PPHLN1: variants seen among roughly 807,000 people sequenced by gnomAD.
PPHLN1 encodes periphilin-1.
PPHLN1 carries 29 observed loss-of-function variants against 51.3 expected under a neutral mutation model. That is an observed-to-expected ratio of 0.57 (90% CI 0.42 to 0.77). The LOEUF (loss-of-function observed/expected upper bound fraction) is 0.77, where lower values mean the gene tolerates loss of function less well. Among genes scored for constraint, PPHLN1 ranks in the 30% least tolerant of loss-of-function variants. PPHLN1 has a pLI of 0.00. For synonymous variants in PPHLN1, 147 were observed against 147.8 expected (o/e 0.99, Z 0.04); for missense variants, 436 against 438.4 (o/e 0.99, Z 0.05).
At chr12:42,437,582 C>G (rs544938867) in intron 9 of PPHLN1, among the ~76,000 whole-genome samples, 1 of 152,228 alleles carries the variant, frequency 6.6e-6, no homozygotes, top group Admixed American at 6.5e-5. Flanking sequence ...ATAGAGAGTT[C>G]TTATATGCCC....
chr12:42,403,442 G>A (rs553273280), intron 9 of PPHLN1, among the ~76,000 whole-genome samples: 1 of 152,300 alleles, frequency 6.6e-6, no homozygotes, highest in Non-Finnish European at 1.5e-5. Flanking sequence ...TGGTCATGCT[G>A]TTACTGCAGA....
chr12:42,417,933 TTTTTTTTTTG>T (rs1216372131), intron 9 of PPHLN1, among the ~76,000 whole-genome samples: 1,440 of 54,510 alleles, frequency 0.026, 56 homozygotes, highest in East Asian at 0.11. Flanking sequence ...TTTTTTTTTG[TTTTTTTTTTG>T]TTTTTTTTTT....
At position 42,413,224 on chromosome 12, in the gene PPHLN1, C is replaced by G. The variant is rs966407055; in HGVS notation, c.909+14230C>G. On this transcript the variant is annotated intron_variant, in intron 9 of 9. Transcript: ENST00000358314. ...AGAAGAGTTTTTCCCAGGTTATCTT[C>G]TAGAATTTTTATGGTTTCAGATGTT... Among the ~76,000 whole-genome samples the G allele has an allele frequency of 2.6e-5, 4 of 152,092 alleles. No individual in the cohort carries two copies. In the South Asian group the frequency reaches 6.2e-4, roughly 24 times the overall value.
chr12:42,443,512 C>G (rs2083121358), downstream of PPHLN1: 1 of 152,186 alleles, frequency 6.6e-6, no homozygotes, highest in Non-Finnish European at 1.5e-5. Flanking sequence ...GTCAGTACCT[C>G]CCCTGGAGGA....
chr12:42,364,666 A>G (rs2138537480), intron 4 of PPHLN1, among the ~76,000 whole-genome samples: 1 of 152,226 alleles, frequency 6.6e-6, no homozygotes. Flanking sequence ...CATGCTTGTA[A>G]TCTAAGCACT....
At chr12:42,441,257 T>C in intron 9 of PPHLN1, 58 bp from the exon 10 acceptor site, 1 of 1,511,998 alleles carries the variant, frequency 6.6e-7, no homozygotes, top group Non-Finnish European at 8.9e-7. Context: ...CTCAGTTAGC[T>C]AAGTATTTGG....
At chr12:42,411,798 G>A (rs780623575) in intron 9 of PPHLN1, among the ~76,000 whole-genome samples, 7 of 150,402 alleles carry the variant, frequency 4.7e-5, no homozygotes, top group Non-Finnish European at 8.9e-5. Context: ...TCAGCCACTC[G>A]GGAGGCTGAG....
chr12:42,417,094 GTC>G (rs2080459700), intron 9 of PPHLN1, among the ~76,000 whole-genome samples: 3 of 152,186 alleles, frequency 2.0e-5, no homozygotes, highest in South Asian at 2.1e-4. Context: ...AATTGGTAGA[GTC>G]TGAAATGCAG....
intron 9 of PPHLN1, among the ~76,000 whole-genome samples, chr12:42,413,522 GTA>G (rs201793537): frequency 0.038 from 4,990 of 131,534 alleles, 85 homozygotes; most frequent in Non-Finnish European, 0.048. Context: ...CTATATATAT[GTA>G]TATGTGTGTG....
chr12:42,364,174 A>G (rs1297277175), intron 4 of PPHLN1, among the ~76,000 whole-genome samples: 1 of 152,190 alleles, frequency 6.6e-6, no homozygotes, highest in African/African-American at 2.4e-5. Context: ...CAGTGAGCCA[A>G]GATTGCACCA....
chr12:42,365,214 T>C (rs539502652), intron 4 of PPHLN1, among the ~76,000 whole-genome samples: 3 of 152,348 alleles, frequency 2.0e-5, no homozygotes, highest in African/African-American at 7.2e-5. Flanking sequence ...TGTACTTCAC[T>C]TATTCTTAAG....
chr12:42,418,211 C>CTTTTTTTTTTTTTTTTTTTT (rs60029170), intron 9 of PPHLN1, among the ~76,000 whole-genome samples: 1 of 98,378 alleles, frequency 1.0e-5, no homozygotes, highest in African/African-American at 4.2e-5. Flanking sequence ...TCCCGGCCCT[C>CTTTTTTTTTTTTTTTTTTTT]TTTTTTTTTT....
At chr12:42,398,632 A>T (rs1219325598) in intron 8 of PPHLN1, 4 of 376,286 alleles carry the variant, frequency 1.1e-5, no homozygotes, top group Non-Finnish European at 1.9e-5. Flanking sequence ...ACGCAAATTC[A>T]TGAAGTGTTC....
intron 2 of PPHLN1, among the ~76,000 whole-genome samples, chr12:42,347,882 T>C (rs943217834): frequency 5.9e-5 from 9 of 152,314 alleles, no homozygotes; most frequent in African/African-American, 2.2e-4. Flanking sequence ...ACGAACGCTT[T>C]AAAAATACAG....
At chr12:42,357,592 T>A (rs1043987133) in intron 4 of PPHLN1, among the ~76,000 whole-genome samples, 2 of 152,144 alleles carry the variant, frequency 1.3e-5, no homozygotes, top group African/African-American at 4.8e-5. Flanking sequence ...CCAAATAATA[T>A]CTGACATAAT....
downstream of PPHLN1, chr12:42,446,123 C>T (rs765867206): frequency 1.0e-5 from 16 of 1,565,048 alleles, no homozygotes; most frequent in East Asian, 2.4e-5. Flanking sequence ...ACGGGTTCGT[C>T]GGACGACACA....
intron 2 of PPHLN1, among the ~76,000 whole-genome samples, chr12:42,339,218 C>T (rs2071127315): frequency 6.6e-6 from 1 of 152,206 alleles, no homozygotes; most frequent in South Asian, 2.1e-4. Context: ...TTTGAGAGCA[C>T]AGGACCTGAC....
chr12:42,444,716 C>T (rs1311388019), downstream of PPHLN1: 4 of 270,884 alleles, frequency 1.5e-5, no homozygotes, highest in Non-Finnish European at 2.8e-5. Flanking sequence ...TATCTCTAGA[C>T]CTTCAGATAG....
chr12:42,387,486 C>T lies in PPHLN1; in HGVS notation c.599C>T (p.Thr200Ile). 1 of 1,613,372 alleles carries T rather than the reference C, an allele frequency of 6.2e-7. No homozygotes were observed. The highest frequency in any genetic ancestry group is 8.5e-7 in the Non-Finnish European group (1 of 1,179,776). ...DKERPVQSLK[T>I]SRDTSPSSGS... ...GAGAGGCCTGTCCAGTCTTTGAAAA[C>T]ATCAAGAGATACTTCACCCTCAAGT... The change falls in exon 7 of 10, where the codon ACA (threonine) becomes ATA (isoleucine). Residue 200 changes from threonine (T) to isoleucine (I), a missense_variant. By Grantham distance (89) the Thr-to-Ile change is moderately conservative. Transcript: ENST00000358314.
Sources: gnomAD v4.1 joint callset for allele counts (sites outside exome capture counted in the v4.1 genomes callset) on GRCh38, gnomAD v4.1.1 for gene constraint, MANE v1.5 for transcripts, NCBI Gene and HGNC (gene_info 2026-07-23, HGNC 2026-07-21) for gene names.